ST8SIA1: variants seen among roughly 807,000 people sequenced by gnomAD.
ST8SIA1 encodes alpha-N-acetylneuraminide alpha-2,8-sialyltransferase.
A neutral mutation model predicts 35.9 loss-of-function variants in ST8SIA1; 16 were observed. The observed-to-expected ratio is 0.45, with a 90% CI of 0.30 to 0.68. The LOEUF (loss-of-function observed/expected upper bound fraction) is 0.68. Among genes scored for constraint, ST8SIA1 ranks in the 30% least tolerant of loss-of-function variants. The pLI, the probability that ST8SIA1 is intolerant of heterozygous loss-of-function variation, is 0.09. For missense variants in ST8SIA1, 383 were observed against 453.6 expected, an observed-to-expected ratio of 0.84 and a Z score of 1.41; for synonymous variants, 170 against 169.6, an observed-to-expected ratio of 1.00 and a Z score of -0.02.
chr12:22,312,057 C>A (rs1285563475), intron 1 of ST8SIA1, among the ~76,000 whole-genome samples: 1 of 152,092 alleles, frequency 6.6e-6, no homozygotes, highest in African/African-American at 2.4e-5. Context: ...TAAACCACAA[C>A]TGAGATGAGC....
chr12:22,329,509 T>C (rs931238687), intron 1 of ST8SIA1, among the ~76,000 whole-genome samples: 5 of 152,204 alleles, frequency 3.3e-5, no homozygotes, highest in Admixed American at 3.3e-4. Flanking sequence ...TTCTTGAGCA[T>C]CAAAACTTAT....
At chr12:22,328,067 T>C (rs944496197) in intron 1 of ST8SIA1, among the ~76,000 whole-genome samples, 4 of 152,230 alleles carry the variant, frequency 2.6e-5, no homozygotes, top group African/African-American at 9.6e-5. Context: ...AGGCCAGGGA[T>C]GCTGCTGAAC....
chr12:22,237,816 A>T, intron 4 of ST8SIA1, among the ~76,000 whole-genome samples: 1 of 152,038 alleles, frequency 6.6e-6, no homozygotes, highest in Non-Finnish European at 1.5e-5. Context: ...AATAATTATT[A>T]TTTATTTATC....
chr12:22,271,226 T>C (rs1221339494), intron 2 of ST8SIA1, among the ~76,000 whole-genome samples: 5 of 152,196 alleles, frequency 3.3e-5, no homozygotes, highest in Non-Finnish European at 7.4e-5. Flanking sequence ...AATGACTTTC[T>C]TATAAGTGTA....
chr12:22,247,381 T>C (rs1865618931), intron 4 of ST8SIA1, among the ~76,000 whole-genome samples: 1 of 152,174 alleles, frequency 6.6e-6, no homozygotes, highest in African/African-American at 2.4e-5. Flanking sequence ...GTAAAGATTA[T>C]GTAGAGCCTT....
chr12:22,293,015 A>C (rs1174969822), intron 1 of ST8SIA1, among the ~76,000 whole-genome samples: 1 of 152,252 alleles, frequency 6.6e-6, no homozygotes, highest in Non-Finnish European at 1.5e-5. Context: ...TCAAAATTCA[A>C]ATTGAAGAAG....
At chr12:22,294,434 AAGG>A (rs1307598062) in intron 1 of ST8SIA1, among the ~76,000 whole-genome samples, 2 of 152,322 alleles carry the variant, frequency 1.3e-5, no homozygotes, top group African/African-American at 2.4e-5. Context: ...AAATTGTATG[AAGG>A]AGAAGTACTT....
rs1865033093 is a variant in ST8SIA1 at position 22,200,046 on chromosome 12, G to A, written c.*1506C>T. On this transcript the variant is annotated 3_prime_UTR_variant, in exon 5 of 5. Coordinates refer to ENST00000396037, the MANE Select transcript of ST8SIA1 (RefSeq NM_003034.4). ...CAAAGCTGTTGTAACAAGCTAAGTA[G>A]TCCTACCTGCTACTAAGGAAATAAA... The A allele has an allele frequency of 1.3e-5, 2 of 152,174 alleles. No homozygotes were observed. Among genetic ancestry groups the A allele is most frequent in the South Asian group, 4.1e-4 (2 of 4,828 alleles). 9.4% of individuals were successfully genotyped at this position (152,174 alleles called of 1,614,324 possible).
chr12:22,260,197 T>C (rs1050191356), intron 2 of ST8SIA1, among the ~76,000 whole-genome samples: 3 of 151,672 alleles, frequency 2.0e-5, no homozygotes, highest in Non-Finnish European at 2.9e-5. Flanking sequence ...TCTAGTTCTG[T>C]GTCACCCATG....
intron 4 of ST8SIA1, chr12:22,223,866 T>C: frequency 9.5e-7 from 1 of 1,049,802 alleles, no homozygotes; most frequent in South Asian, 2.1e-5. Flanking sequence ...TTGTGCAAAA[T>C]AATACTTAAT....
intron 1 of ST8SIA1, among the ~76,000 whole-genome samples, chr12:22,302,135 T>A (rs1866326275): frequency 6.6e-6 from 1 of 152,200 alleles, no homozygotes; most frequent in East Asian, 1.9e-4. Context: ...ATTCCAGTTT[T>A]GCCTAAGGTT....
intron 1 of ST8SIA1, among the ~76,000 whole-genome samples, chr12:22,305,792 C>A (rs1449415662): frequency 6.6e-6 from 1 of 151,986 alleles, no homozygotes; most frequent in Non-Finnish European, 1.5e-5. Flanking sequence ...TAAACCCAGC[C>A]CAAAACAGAA....
chr12:22,235,578 T>C (rs1358644778), intron 4 of ST8SIA1, among the ~76,000 whole-genome samples: 3 of 152,184 alleles, frequency 2.0e-5, no homozygotes, highest in Admixed American at 1.3e-4. Flanking sequence ...ACCATCTTGC[T>C]CAAAGAGGCT....
chr12:22,204,375 A>T (rs1255572991), intron 4 of ST8SIA1, among the ~76,000 whole-genome samples: 2 of 151,714 alleles, frequency 1.3e-5, no homozygotes, highest in East Asian at 3.9e-4. Context: ...GAACTAAAAA[A>T]CTCTTCTTAA....
chr12:22,243,319 C>T (rs1002199131), intron 4 of ST8SIA1, among the ~76,000 whole-genome samples: 4 of 152,164 alleles, frequency 2.6e-5, no homozygotes, highest in African/African-American at 9.7e-5. Flanking sequence ...TACAAGATAA[C>T]TACTGATGTC....
chr12:22,207,311 C>A (rs549695730), intron 4 of ST8SIA1, among the ~76,000 whole-genome samples: 2 of 152,092 alleles, frequency 1.3e-5, no homozygotes, highest in Non-Finnish European at 2.9e-5. Flanking sequence ...GATTTGATTG[C>A]GATATGTCTG....
intron 2 of ST8SIA1, among the ~76,000 whole-genome samples, chr12:22,266,799 G>GA (rs1865853769): frequency 6.6e-6 from 1 of 150,568 alleles, no homozygotes; most frequent in African/African-American, 2.4e-5. Context: ...CCTGTCTCTT[G>GA]AAAAAATGTG....
chr12:22,260,871 G>GTT (rs201029008), intron 2 of ST8SIA1, among the ~76,000 whole-genome samples: 5 of 97,546 alleles, frequency 5.1e-5, no homozygotes, highest in African/African-American at 1.2e-4. Flanking sequence ...TTATATAGTT[G>GTT]TTGTTTTTTT....
chr12:22,253,426 C>T (rs1425855602), intron 3 of ST8SIA1, among the ~76,000 whole-genome samples: 1 of 152,204 alleles, frequency 6.6e-6, no homozygotes, highest in Non-Finnish European at 1.5e-5. Context: ...GTTCATGACA[C>T]TGCAACAGCA....
Sources: allele counts gnomAD v4.1 joint callset (sites outside exome capture counted in the v4.1 genomes callset), GRCh38; gene constraint gnomAD v4.1.1; transcripts MANE v1.5; gene names NCBI Gene and HGNC (gene_info 2026-07-23, HGNC 2026-07-21).